Variants in GOSR2 observed in about 807,000 individuals in gnomAD.
The protein encoded by GOSR2 is golgi SNAP receptor complex member 2.
Under a neutral mutation model 27.9 loss-of-function variants are expected in GOSR2, and 20 were observed. The observed-to-expected ratio is 0.72, with a 90% CI of 0.50 to 1.04. The LOEUF is 1.04. Ranked by LOEUF, GOSR2 falls within the 50% of genes least tolerant of loss-of-function variation. GOSR2 has a pLI of 0.00. For synonymous variants in GOSR2, 91 were observed against 98.8 expected (o/e 0.92, Z 0.47); for missense variants, 261 against 270.5 (o/e 0.97, Z 0.25).
rs576494888 is a variant in GOSR2 at position 46,940,093 on chromosome 17, C to T, written c.*1333C>T. 2 of 1,140,908 alleles carry T rather than the reference C, an allele frequency of 1.8e-6. No homozygotes were observed. Among genetic ancestry groups the T allele is most frequent in the Non-Finnish European group, 2.2e-6 (2 of 926,332 alleles). 70.7% of individuals were successfully genotyped at this position (1,140,908 alleles called of 1,614,324 possible). On this transcript the variant is annotated 3_prime_UTR_variant, in exon 6 of 6. Transcript: ENST00000640051. ...CTTGAACTGTCTTCTGTCTTATTTC[C>T]CTTCCTTTCTGTGTTCCTCTTCACC...
At chr17:46,936,609 G>C in intron 5 of GOSR2, 1 of 985,472 alleles carries the variant, frequency 1.0e-6, no homozygotes, top group African/African-American at 1.7e-5. Flanking sequence ...GAAGCACTCT[G>C]ATGACTGGGG....
intron 6 of GOSR2, among the ~76,000 whole-genome samples, chr17:46,951,870 G>A (rs1470325320): frequency 6.6e-6 from 1 of 152,024 alleles, no homozygotes; most frequent in Admixed American, 6.5e-5. Context: ...TTTCCCTCGG[G>A]GTGTTTGCCT....
In GOSR2 at chr17:46,940,941, C is replaced by T; in HGVS notation, c.*2181C>T. The stretch of plus-strand genomic sequence containing the variant: ...TGGTGAAAAATAGACCTTGGCCTAA[C>T]AGTGTGACTCTCTCCACCGCCTCAG... On this transcript the variant is annotated 3_prime_UTR_variant, in exon 6 of 6. Transcript: ENST00000640051. 1 of 1,268,900 alleles carries T rather than the reference C, an allele frequency of 7.9e-7. No homozygotes were observed. The allele number at this position is 1,268,900 out of a possible 1,614,324, so 78.6% of individuals were successfully genotyped here. A position where few individuals can be genotyped will look rare whatever the true frequency, so the allele number is the denominator to read the frequency against.
intron 6 of GOSR2, among the ~76,000 whole-genome samples, chr17:46,951,883 CT>C (rs978448445): frequency 2.0e-5 from 3 of 152,042 alleles, no homozygotes; most frequent in Non-Finnish European, 2.9e-5. Context: ...GTTTGCCTCG[CT>C]GCTTCTCCCC....
downstream of GOSR2, among the ~76,000 whole-genome samples, chr17:46,945,812 C>A (rs148881265): frequency 6.6e-6 from 1 of 152,152 alleles, no homozygotes; most frequent in African/African-American, 2.4e-5. Flanking sequence ...CACTGCTGCC[C>A]CCAGGACCTC....
rs551879367 is a variant in GOSR2, at chr17:46,950,317, C to T, written c.583+11613C>T. Among the ~76,000 whole-genome samples the T allele has an allele frequency of 1.4e-3, 214 of 152,080 alleles. 1 individual carries two copies. Among genetic ancestry groups the T allele is most frequent in the African/African-American group, 4.7e-3 (193 of 41,470 alleles). On this transcript the variant is annotated intron_variant, in intron 6 of 6. Coordinates refer to the GOSR2 transcript ENST00000573224. Reference sequence around the variant, plus strand: ...CTGCCTCTTGTAGGTGAGGAGGAGGCGGCTGGCTGAGGAGGTGGCAGAGGC... The same window carrying T: ...CTGCCTCTTGTAGGTGAGGAGGAGGTGGCTGGCTGAGGAGGTGGCAGAGGC...
downstream of GOSR2, among the ~76,000 whole-genome samples, chr17:46,970,617 T>C (rs892709268): frequency 4.0e-5 from 6 of 149,800 alleles, no homozygotes; most frequent in Non-Finnish European, 8.9e-5. Flanking sequence ...CAATCAGTCG[T>C]CAGCTGAGCT....
In GOSR2 at chr17:46,939,565, G is replaced by T; in HGVS notation, c.*805G>T. The T allele has an allele frequency of 6.1e-6, 6 of 985,358 alleles. No individual in the cohort carries two copies. Among genetic ancestry groups the T allele is most frequent in the Non-Finnish European group, 7.2e-6 (6 of 829,836 alleles). 61.0% of individuals were successfully genotyped at this position (985,358 alleles called of 1,614,324 possible). A position where few individuals can be genotyped will look rare whatever the true frequency, so the allele number is the denominator to read the frequency against. On this transcript the variant is annotated 3_prime_UTR_variant, in exon 6 of 6. Transcript: ENST00000640051. The stretch of plus-strand genomic sequence containing the variant: ...GTGGGCCTTTGCCCCTTAGAAAGTA[G>T]CTGTAGGCAAAGATTTGTGATTTTC...
downstream of GOSR2, among the ~76,000 whole-genome samples, chr17:46,943,248 A>C (rs1261385476): frequency 3.3e-5 from 5 of 152,178 alleles, no homozygotes; most frequent in African/African-American, 1.2e-4. Flanking sequence ...GATCAGAAGG[A>C]GCCAGATCCC....
chr17:46,961,032 A>T (rs1318454909), intron 6 of GOSR2, among the ~76,000 whole-genome samples: 1 of 152,192 alleles, frequency 6.6e-6, no homozygotes, highest in African/African-American at 2.4e-5. Context: ...GGGAGAGTTT[A>T]AAAAAAACAA....
At chr17:46,945,882 G>C (rs1005348584), downstream of GOSR2, among the ~76,000 whole-genome samples, 3 of 152,280 alleles carry the variant, frequency 2.0e-5, no homozygotes, top group East Asian at 5.8e-4. Context: ...GATCGCTGCC[G>C]GGTGCTGTCC....
intron 6 of GOSR2, among the ~76,000 whole-genome samples, chr17:46,956,316 G>A (rs1184069216): frequency 1.2e-5 from 1 of 81,306 alleles, no homozygotes; most frequent in Admixed American, 2.0e-4. Context: ...TTGAGACAGA[G>A]TTTCGCTTTT....
chr17:46,970,295 C>G (rs1362567011), downstream of GOSR2, among the ~76,000 whole-genome samples: 1 of 152,148 alleles, frequency 6.6e-6, no homozygotes, highest in Non-Finnish European at 1.5e-5. Context: ...AATCCCAGCA[C>G]TTTGGGAGGC....
Position 46,935,196 on chromosome 17 carries a change from G to A in GOSR2, c.477+27G>A, listed in dbSNP as rs747207425. ...TGGGGTCCCTGCTGGGGGACAGAGA[G>A]AAGGCCTCTTGTTTTAGCCTCATCC... is the stretch of plus-strand genomic sequence containing the variant. On this transcript the variant is annotated intron_variant, in intron 5 of 5. Coordinates refer to ENST00000640051, the MANE Select transcript of GOSR2 (RefSeq NM_004287.5). 27 of 1,613,200 alleles carry A rather than the reference G, an allele frequency of 1.7e-5. No individual in the cohort carries two copies. In the East Asian group the frequency reaches 4.0e-4, roughly 24 times the overall value.
downstream of GOSR2, among the ~76,000 whole-genome samples, chr17:46,945,369 A>G (rs1352167275): frequency 1.3e-5 from 2 of 152,136 alleles, no homozygotes; most frequent in Non-Finnish European, 2.9e-5. Context: ...GACAAGCCCT[A>G]CTGTCCTAGG....
At chr17:46,923,295 C>T (rs1251350519) in intron 1 of GOSR2, 74 bp downstream of exon 1, 2 of 1,547,812 alleles carry the variant, frequency 1.3e-6, no homozygotes, top group African/African-American at 1.4e-5. Context: ...GGGGCTGAGG[C>T]CTCGGACGTC....
chr17:46,947,359 C>T (rs1336683715), intron 6 of GOSR2, among the ~76,000 whole-genome samples: 1 of 152,152 alleles, frequency 6.6e-6, no homozygotes, highest in African/African-American at 2.4e-5. Context: ...CTGCTCCCTC[C>T]CCACCCTGCC....
chr17:46,966,894 T>A (rs2091338774), exon 7 of GOSR2: 1 of 397,982 alleles, frequency 2.5e-6, no homozygotes, highest in African/African-American at 2.1e-5. Flanking sequence ...ATTAGCACCT[T>A]AAAGGGAAAT....
At chr17:46,947,144 T>A (rs2089971746) in intron 6 of GOSR2, among the ~76,000 whole-genome samples, 1 of 152,008 alleles carries the variant, frequency 6.6e-6, no homozygotes, top group African/African-American at 2.4e-5. Flanking sequence ...CTGACATGAA[T>A]GTGGATGCAG....
Sources: allele counts gnomAD v4.1 joint callset (sites outside exome capture counted in the v4.1 genomes callset), GRCh38; gene constraint gnomAD v4.1.1; transcripts MANE v1.5; gene names NCBI Gene and HGNC (gene_info 2026-07-23, HGNC 2026-07-21).